MAGI2: variants seen among roughly 807,000 people sequenced by gnomAD.
The protein encoded by MAGI2 is membrane associated guanylate kinase, WW and PDZ domain containing 2, also known as membrane-associated guanylate kinase, WW and PDZ domain-containing protein 2.
In MAGI2, 35 loss-of-function variants were observed where a neutral mutation model predicts 133.3. The ratio of observed to expected loss-of-function variants is 0.26; its 90% CI spans 0.20 to 0.35. MAGI2 has a LOEUF of 0.35. Among genes scored for constraint, MAGI2 ranks in the 10% least tolerant of loss-of-function variants. The pLI, the probability that MAGI2 is intolerant of heterozygous loss-of-function variation, is 1.00. For missense variants in MAGI2, 1,636 were observed against 1,863.4 expected (o/e 0.88, Z 2.25); for synonymous variants, 729 against 710.6 (o/e 1.03, Z -0.41).
At chr7:78,121,472 C>G (rs540464123) in intron 20 of MAGI2, among the ~76,000 whole-genome samples, 1 of 152,036 alleles carries the variant, frequency 6.6e-6, no homozygotes, top group African/African-American at 2.4e-5. Context: ...AGAACATGAA[C>G]GTCTAATAAA....
At chr7:78,542,128 T>C (rs1310193146) in intron 3 of MAGI2, among the ~76,000 whole-genome samples, 1 of 152,232 alleles carries the variant, frequency 6.6e-6, no homozygotes, top group Non-Finnish European at 1.5e-5. Flanking sequence ...TTTCATGTGA[T>C]TTCTATGTGA....
intron 1 of MAGI2, among the ~76,000 whole-genome samples, chr7:79,449,547 A>G (rs978785817): frequency 2.0e-5 from 3 of 152,002 alleles, no homozygotes; most frequent in South Asian, 4.1e-4. Flanking sequence ...AGAAAAAGGA[A>G]AGAAGACCTT....
intron 2 of MAGI2, among the ~76,000 whole-genome samples, chr7:78,639,057 C>G (rs1026331873): frequency 6.6e-6 from 1 of 152,176 alleles, no homozygotes; most frequent in African/African-American, 2.4e-5. Context: ...CTAAGCAATG[C>G]AGACACACTA....
At chr7:78,464,276 G>A (rs941986227) in intron 6 of MAGI2, among the ~76,000 whole-genome samples, 8 of 151,994 alleles carry the variant, frequency 5.3e-5, no homozygotes, top group East Asian at 3.9e-4. Flanking sequence ...TCTACTCTGC[G>A]ACACTCCAAG....
At chr7:79,011,536 G>C (rs531169952) in intron 1 of MAGI2, among the ~76,000 whole-genome samples, 131 of 152,208 alleles carry the variant, frequency 8.6e-4, no homozygotes, top group African/African-American at 3.0e-3. Context: ...CCCTCCCCTT[G>C]AGTCAACTGC....
intron 2 of MAGI2, among the ~76,000 whole-genome samples, chr7:78,877,494 C>T (rs1438577308): frequency 6.6e-6 from 1 of 152,154 alleles, no homozygotes; most frequent in Non-Finnish European, 1.5e-5. Context: ...GTTTTTCTCT[C>T]CATCCTGGCA....
intron 1 of MAGI2, among the ~76,000 whole-genome samples, chr7:79,366,544 C>T (rs1197987590): frequency 2.0e-5 from 3 of 152,022 alleles, no homozygotes; most frequent in African/African-American, 4.8e-5. Flanking sequence ...CACAAATAAC[C>T]TCACATAAAT....
At chr7:79,125,116 G>A in intron 1 of MAGI2, 1 of 298,894 alleles carries the variant, frequency 3.3e-6, no homozygotes, top group South Asian at 3.6e-5. Flanking sequence ...GGAACAGTGT[G>A]GGAAAATCAA....
intron 9 of MAGI2, among the ~76,000 whole-genome samples, chr7:78,330,615 CAAAA>C (rs4024122): frequency 1.3e-3 from 9 of 6,934 alleles, no homozygotes; most frequent in Admixed American, 2.1e-3. Flanking sequence ...GACTCCGTCT[CAAAA>C]AAAAAAAAAA....
intron 10 of MAGI2, among the ~76,000 whole-genome samples, chr7:78,247,115 T>C (rs1411669108): frequency 6.6e-6 from 1 of 152,146 alleles, no homozygotes; most frequent in Non-Finnish European, 1.5e-5. Context: ...CAGCTGCATA[T>C]TGACCATGTT....
At chr7:78,038,858 C>T (rs3779340) in intron 21 of MAGI2, among the ~76,000 whole-genome samples, 8,434 of 152,288 alleles carry the variant, frequency 0.055, 281 homozygotes, top group East Asian at 0.074. Flanking sequence ...TAGTTAAGTT[C>T]GTGGGCGTTT....
chr7:78,180,335 T>C (rs1442250264), intron 13 of MAGI2, among the ~76,000 whole-genome samples: 1 of 152,198 alleles, frequency 6.6e-6, no homozygotes, highest in Non-Finnish European at 1.5e-5. Flanking sequence ...TATTGTGTGA[T>C]CCATCTTATT....
chr7:79,288,863 A>G (rs1836243298), intron 1 of MAGI2, among the ~76,000 whole-genome samples: 1 of 152,160 alleles, frequency 6.6e-6, no homozygotes, highest in Non-Finnish European at 1.5e-5. Flanking sequence ...ATAGACATAC[A>G]ATGAATGACG....
chr7:78,832,166 A>G (rs1180745287), intron 2 of MAGI2, among the ~76,000 whole-genome samples: 4 of 152,154 alleles, frequency 2.6e-5, no homozygotes, highest in Admixed American at 2.0e-4. Flanking sequence ...CTGAAGAAAA[A>G]AAAAAGCCAA....
At chr7:79,418,583 C>A (rs981963941) in intron 1 of MAGI2, among the ~76,000 whole-genome samples, 1 of 151,950 alleles carries the variant, frequency 6.6e-6, no homozygotes, top group African/African-American at 2.4e-5. Flanking sequence ...TTGCTGCCAT[C>A]TTAGAACACA....
At chr7:79,392,093 G>A (rs1844701390) in intron 1 of MAGI2, among the ~76,000 whole-genome samples, 1 of 152,090 alleles carries the variant, frequency 6.6e-6, no homozygotes, top group African/African-American at 2.4e-5. Context: ...CCACTTATGA[G>A]TAAGAACATC....
chr7:78,266,580 A>T (rs926944699), intron 9 of MAGI2, among the ~76,000 whole-genome samples: 3 of 142,676 alleles, frequency 2.1e-5, no homozygotes, highest in Non-Finnish European at 4.7e-5. Flanking sequence ...GGGGGAAAAA[A>T]TCCCTTTTTT....
At chr7:79,436,330 A>T in intron 1 of MAGI2, among the ~76,000 whole-genome samples, 1 of 152,112 alleles carries the variant, frequency 6.6e-6, no homozygotes, top group Non-Finnish European at 1.5e-5. Flanking sequence ...GGCAATCGCA[A>T]CAAAAACAAA....
At chr7:79,350,622 T>A (rs1016339837) in intron 1 of MAGI2, among the ~76,000 whole-genome samples, 1 of 152,124 alleles carries the variant, frequency 6.6e-6, no homozygotes, top group Non-Finnish European at 1.5e-5. Flanking sequence ...CCTTTGAATT[T>A]TTGTGTGATG....
Sources: gnomAD v4.1 joint callset for allele counts (sites outside exome capture counted in the v4.1 genomes callset) on GRCh38, gnomAD v4.1.1 for gene constraint, MANE v1.5 for transcripts, NCBI Gene and HGNC (gene_info 2026-07-23, HGNC 2026-07-21) for gene names.